PNPT1: variants seen among roughly 807,000 people sequenced by gnomAD.
PNPT1 encodes polyribonucleotide nucleotidyltransferase 1, mitochondrial.
A neutral mutation model predicts 119.5 loss-of-function variants in PNPT1; 53 were observed. The observed-to-expected ratio is 0.44, with a 90% CI of 0.36 to 0.56. The LOEUF (loss-of-function observed/expected upper bound fraction) is 0.56. Among genes scored for constraint, PNPT1 ranks in the 20% least tolerant of loss-of-function variants. The probability of loss-of-function intolerance (pLI) is 0.00; values close to 1 mark genes in which losing one functional copy is unlikely to be tolerated. For synonymous variants in PNPT1, 357 were observed against 322.1 expected, an observed-to-expected ratio of 1.11 and a Z score of -1.16; for missense variants, 948 against 938.5, an observed-to-expected ratio of 1.01 and a Z score of -0.13.
chr2:55,675,029 G>A (rs1040683943), intron 8 of PNPT1, among the ~76,000 whole-genome samples: 2 of 152,230 alleles, frequency 1.3e-5, no homozygotes, highest in Admixed American at 6.5e-5. Context: ...GGGAGGCCAA[G>A]GTGGGAGGAT....
At chr2:55,646,178 T>G in intron 21 of PNPT1, 81 bp downstream of exon 21, 1 of 1,333,480 alleles carries the variant, frequency 7.5e-7, no homozygotes, top group Non-Finnish European at 1.0e-6. Context: ...AAGCAATATT[T>G]TATAATAAGC....
At chr2:55,680,996 T>C (rs1266078187) in intron 5 of PNPT1, 78 bp from the exon 6 acceptor site, 19 of 1,172,274 alleles carry the variant, frequency 1.6e-5, no homozygotes, top group Non-Finnish European at 2.1e-5. Flanking sequence ...AAGAGCACTA[T>C]ATGGCTAAAA....
intron 1 of PNPT1, among the ~76,000 whole-genome samples, chr2:55,691,774 G>A (rs926593495): frequency 6.7e-6 from 1 of 149,646 alleles, no homozygotes; most frequent in Non-Finnish European, 1.5e-5. Context: ...ATAAGCCTTA[G>A]AGATAACCTA....
chr2:55,654,931 T>C lies in PNPT1; in HGVS notation c.1464A>G (p.Ala488=). Residue 488 remains alanine (A), a synonymous_variant, in exon 18 of 28, where the codon GCA becomes GCG. Coordinates refer to ENST00000447944, the MANE Select transcript of PNPT1 (RefSeq NM_033109.5). ...CCATTAATGCTAAACTTCCGCCACA[T>C]GCAGATGCCATAGAAGATGACCCTA... ...ESNGSSSMAS[A]CGGSLALMDS... 2 of 1,613,640 alleles carry C rather than the reference T, an allele frequency of 1.2e-6. No homozygotes were observed. Among genetic ancestry groups the C allele is most frequent in the Non-Finnish European group, 1.7e-6 (2 of 1,179,732 alleles).
intron 18 of PNPT1, among the ~76,000 whole-genome samples, chr2:55,649,270 C>T (rs967626510): frequency 6.6e-6 from 1 of 152,112 alleles, no homozygotes; most frequent in Non-Finnish European, 1.5e-5. Context: ...GAGACCTCAT[C>T]TCTATAAATA....
chr2:55,688,355 G>A (rs59995349), intron 1 of PNPT1, among the ~76,000 whole-genome samples: 1 of 152,014 alleles, frequency 6.6e-6, no homozygotes, highest in African/African-American at 2.4e-5. Flanking sequence ...TACCATCTTA[G>A]TACAGTCTCT....
In PNPT1 at chr2:55,643,738, CA is replaced by C. The variant is rs56391931; in HGVS notation, c.1907-314del. 0.93 allele frequency among the ~76,000 whole-genome samples: 136,716 copies of C among 147,322 alleles called. 63,888 individuals carry two copies. The highest frequency in any genetic ancestry group is 0.97 in the African/African-American group (38,747 of 40,084). On this transcript the variant is annotated intron_variant, in intron 23 of 27. Transcript: ENST00000447944. ...TGGGTGACAGAGCAAGGCCCCATCT[CA>C]AAAAAAAAAAAAGTTAACTTGCTCA...
chr2:55,640,848 T>C (rs1018412085), intron 25 of PNPT1, 143 bp from the exon 26 acceptor site: 1 of 578,906 alleles, frequency 1.7e-6, no homozygotes, highest in Non-Finnish European at 3.0e-6. Flanking sequence ...ATAAAAAGTA[T>C]ACTTTTCAAC....
At position 55,693,788 on chromosome 2, in the gene PNPT1, C is replaced by A. The variant is rs986832032; in HGVS notation, c.36G>T (p.Arg12=). ...AAGGACCATCGCTCAGGGGCCGGAG[C>A]CGGAGGCACGAGCAGCAGTACCTGC... The part of the protein sequence containing the change: ...AACRYCCSCL[R]LRPLSDGPFL... Residue 12 remains arginine, a synonymous_variant, in exon 1 of 28, where the codon CGG becomes CGT. Transcript: ENST00000447944. The A allele has an allele frequency of 5.6e-6, 9 of 1,613,898 alleles. No homozygotes were observed. Among genetic ancestry groups the A allele is most frequent in the Non-Finnish European group, 7.6e-6 (9 of 1,180,056 alleles).
intron 8 of PNPT1, among the ~76,000 whole-genome samples, chr2:55,674,436 T>G (rs1192092252): frequency 2.6e-5 from 4 of 151,872 alleles, no homozygotes; most frequent in Non-Finnish European, 5.9e-5. Flanking sequence ...CTATAAAAAA[T>G]GAAAGAATTA....
At chr2:55,685,430 A>G (rs1697375690) in intron 3 of PNPT1, among the ~76,000 whole-genome samples, 1 of 152,138 alleles carries the variant, frequency 6.6e-6, no homozygotes, top group Non-Finnish European at 1.5e-5. Context: ...CAGAAGGCTG[A>G]GGTGGGAGGA....
chr2:55,644,004 A>G (rs1695914844), intron 23 of PNPT1, among the ~76,000 whole-genome samples: 1 of 152,194 alleles, frequency 6.6e-6, no homozygotes, highest in Non-Finnish European at 1.5e-5. Flanking sequence ...AAATATATCT[A>G]TACAAATTTT....
chr2:55,662,177 ATT>A, intron 13 of PNPT1, 151 bp from the exon 14 acceptor site: 1 of 584,912 alleles, frequency 1.7e-6, no homozygotes, highest in Non-Finnish European at 2.8e-6. Flanking sequence ...TTAAACACTT[ATT>A]TATTCTATAA....
chr2:55,648,601 AC>A (rs1239233210), intron 18 of PNPT1, among the ~76,000 whole-genome samples: 7 of 151,974 alleles, frequency 4.6e-5, no homozygotes, highest in Admixed American at 6.6e-5. Flanking sequence ...ATGTTCATAA[AC>A]CTATTTATAT....
rs1282464076 is a variant in PNPT1, at chr2:55,637,171, C to T, written c.2196+381G>A. Among the ~76,000 whole-genome samples, 9 of 152,324 alleles carry T rather than the reference C, an allele frequency of 5.9e-5. No individual in the cohort carries two copies. In the South Asian group the frequency reaches 1.7e-3, roughly 28 times the overall value. On this transcript the variant is annotated intron_variant, in intron 27 of 27. Transcript: ENST00000447944. The stretch of plus-strand genomic sequence containing the variant: ...TGAATAACATGGCTCTTACCAAGCT[C>T]AAAAACTTTAAGTAGTGGAGAAACA...
intron 13 of PNPT1, among the ~76,000 whole-genome samples, chr2:55,664,525 T>A (rs1200630946): frequency 6.6e-6 from 1 of 151,962 alleles, no homozygotes; most frequent in Non-Finnish European, 1.5e-5. Flanking sequence ...GGAAAATAAC[T>A]CAGAAGTACA....
intron 13 of PNPT1, among the ~76,000 whole-genome samples, chr2:55,662,237 C>T (rs528174864): frequency 1.4e-4 from 21 of 152,296 alleles, no homozygotes; most frequent in Non-Finnish European, 8.8e-5. Context: ...TCTAACATCA[C>T]ATAGACTACA....
In PNPT1 at chr2:55,635,225, C is replaced by T. The variant is rs1041567011; in HGVS notation, c.*1012G>A. ...TTTCAAACATCTATTAACCGAAAGTCATGATCCTTCAGCTCTTATACTAAG... is the reference window on the plus strand; with the variant it reads ...TTTCAAACATCTATTAACCGAAAGTTATGATCCTTCAGCTCTTATACTAAG... On this transcript the variant is annotated 3_prime_UTR_variant, in exon 28 of 28. Coordinates refer to ENST00000447944, the MANE Select transcript of PNPT1 (RefSeq NM_033109.5). 1 of 152,192 alleles carries T rather than the reference C, an allele frequency of 6.6e-6. No individual in the cohort carries two copies. The highest frequency in any genetic ancestry group is 1.5e-5 in the Non-Finnish European group (1 of 68,042). The allele number at this position is 152,192 out of a possible 1,614,324, so 9.4% of individuals were successfully genotyped here.
chr2:55,683,231 T>C (rs184575860), intron 5 of PNPT1, among the ~76,000 whole-genome samples: 105 of 152,300 alleles, frequency 6.9e-4, no homozygotes, highest in African/African-American at 2.5e-3. Context: ...GGGCTTTCAA[T>C]GCTTCCCTGA....
Sources: allele counts gnomAD v4.1 joint callset (sites outside exome capture counted in the v4.1 genomes callset), GRCh38; gene constraint gnomAD v4.1.1; transcripts MANE v1.5; gene names NCBI Gene and HGNC (gene_info 2026-07-23, HGNC 2026-07-21).